The following VDAC1 variants were observed in gnomAD, a reference collection of about 807,000 sequenced individuals.
The protein encoded by VDAC1 is non-selective voltage-gated ion channel VDAC1.
A neutral mutation model predicts 34.7 loss-of-function variants in VDAC1; 10 were observed. That is an observed-to-expected ratio of 0.29 (90% CI 0.18 to 0.49). VDAC1 has a LOEUF of 0.49. VDAC1 is among the 20% of genes least tolerant of loss of function. The probability of loss-of-function intolerance (pLI) is 0.99; values close to 1 mark genes in which losing one functional copy is unlikely to be tolerated. For missense variants in VDAC1, 230 were observed against 347.9 expected (o/e 0.66, Z 2.69); for synonymous variants, 130 against 136.0 (o/e 0.96, Z 0.30).
At chr5:134,025,890 G>T in the VDAC1 span, among the ~76,000 whole-genome samples, 1 of 152,148 alleles carries the variant, frequency 6.6e-6, no homozygotes, top group Non-Finnish European at 1.5e-5. Context: ...TGGAACTCAG[G>T]GTCTGGCCCA....
chr5:133,988,576 A>C (rs1055571811), intron 5 of VDAC1, among the ~76,000 whole-genome samples: 3 of 152,076 alleles, frequency 2.0e-5, no homozygotes, highest in Non-Finnish European at 2.9e-5. Context: ...CAGCCTGGCC[A>C]ATACGGTGAA....
chr5:134,039,863 C>T, the VDAC1 span, among the ~76,000 whole-genome samples: 11 of 152,290 alleles, frequency 7.2e-5, no homozygotes, highest in Admixed American at 2.0e-4. Flanking sequence ...GTTTCTTTCA[C>T]CTTAGGAGGG....
At chr5:134,020,353 C>T in the VDAC1 span, among the ~76,000 whole-genome samples, 23,107 of 151,756 alleles carry the variant, frequency 0.15, 1,935 homozygotes, top group East Asian at 0.32. Flanking sequence ...TCACCCCTCC[C>T]CAGCTCCTGT....
chr5:134,102,062 C>T, the VDAC1 span, among the ~76,000 whole-genome samples: 2 of 152,226 alleles, frequency 1.3e-5, no homozygotes, highest in Admixed American at 1.3e-4. Flanking sequence ...TGATGGGAGG[C>T]ACAGGGGAGC....
chr5:134,069,545 C>T, the VDAC1 span, among the ~76,000 whole-genome samples: 1 of 152,168 alleles, frequency 6.6e-6, no homozygotes, highest in African/African-American at 2.4e-5. Flanking sequence ...ACCCAGGCCT[C>T]CTGAATGGCA....
At chr5:134,085,322 C>T in the VDAC1 span, among the ~76,000 whole-genome samples, 12 of 152,140 alleles carry the variant, frequency 7.9e-5, no homozygotes, top group African/African-American at 2.4e-4. Context: ...CCTGCCTCGG[C>T]CTCCCAAAGT....
chr5:134,103,391 G>A, the VDAC1 span, among the ~76,000 whole-genome samples: 1 of 152,234 alleles, frequency 6.6e-6, no homozygotes, highest in African/African-American at 2.4e-5. Context: ...CCAAAGTGCT[G>A]GTATTACAAG....
chr5:133,981,585 C>G (rs1752701617), intron 5 of VDAC1, among the ~76,000 whole-genome samples: 1 of 152,168 alleles, frequency 6.6e-6, no homozygotes, highest in Non-Finnish European at 1.5e-5. Flanking sequence ...GTTAGTTAGC[C>G]AGACAGTATC....
At chr5:134,041,346 G>A in the VDAC1 span, among the ~76,000 whole-genome samples, 1 of 152,238 alleles carries the variant, frequency 6.6e-6, no homozygotes, top group Non-Finnish European at 1.5e-5. Context: ...TCTGGGAGGG[G>A]CCACAGGCCC....
chr5:134,009,422 C>A (rs1315856292), upstream of VDAC1, among the ~76,000 whole-genome samples: 1 of 151,428 alleles, frequency 6.6e-6, no homozygotes, highest in Non-Finnish European at 1.5e-5. Flanking sequence ...CCATGCCCAG[C>A]TAATTTTTGT....
the VDAC1 span, among the ~76,000 whole-genome samples, chr5:134,016,797 G>A: frequency 2.8e-4 from 42 of 152,228 alleles, no homozygotes; most frequent in Admixed American, 2.4e-3. Context: ...CTGGCTTTCA[G>A]GCACTGTCTG....
At chr5:134,034,715 T>C in the VDAC1 span, among the ~76,000 whole-genome samples, 2 of 152,064 alleles carry the variant, frequency 1.3e-5, no homozygotes, top group African/African-American at 4.8e-5. Context: ...GCAAGGTGCA[T>C]GCTGGGACCG....
chr5:134,044,649 C>CTGTGTG, the VDAC1 span, among the ~76,000 whole-genome samples: 1 of 151,696 alleles, frequency 6.6e-6, no homozygotes. Flanking sequence ...ATATTGCTAT[C>CTGTGTG]TGTGTGTGTG....
the VDAC1 span, among the ~76,000 whole-genome samples, chr5:134,082,676 C>G: frequency 6.6e-6 from 1 of 152,200 alleles, no homozygotes; most frequent in Non-Finnish European, 1.5e-5. Context: ...ATATTCATAT[C>G]AGCAATATAA....
chr5:134,069,180 C>G, the VDAC1 span, among the ~76,000 whole-genome samples: 1 of 152,122 alleles, frequency 6.6e-6, no homozygotes, highest in Admixed American at 6.6e-5. Flanking sequence ...CAGTAATAAT[C>G]TGCCAAATTA....
upstream of VDAC1, among the ~76,000 whole-genome samples, chr5:134,006,740 C>G (rs1580738999): frequency 9.1e-6 from 1 of 110,128 alleles, no homozygotes; most frequent in Non-Finnish European, 1.9e-5. Context: ...GACATTGTCC[C>G]CCCCCCCCAA....
chr5:133,992,318 A>G lies in VDAC1; in HGVS notation c.105T>C (p.Ser35=), dbSNP rs771045447. The part of the protein sequence containing the change: ...GLIKLDLKTK[S]ENGLEFTSSG... ...TTGGACAACTTACCAATCCATTCTCAGATTTTGTTTTCAAATCAAGCTTTA... is the reference window on the plus strand; with the variant it reads ...TTGGACAACTTACCAATCCATTCTCGGATTTTGTTTTCAAATCAAGCTTTA... The change falls in exon 3 of 9, where the codon TCT becomes TCC. Residue 35 remains serine (S), a synonymous_variant. Coordinates refer to ENST00000265333, the MANE Select transcript of VDAC1 (RefSeq NM_003374.3). 6.3e-6 allele frequency: 10 copies of G among 1,583,430 alleles called. No homozygotes were observed. In the Admixed American group the frequency reaches 1.8e-4, roughly 28 times the overall value.
intron 5 of VDAC1, 121 bp downstream of exon 5, chr5:133,990,734 G>A (rs1349182664): frequency 9.3e-6 from 11 of 1,178,964 alleles, no homozygotes; most frequent in South Asian, 1.6e-5. Flanking sequence ...GACTTAAATC[G>A]CCAGGTCTCG....
At chr5:134,039,595 C>G in the VDAC1 span, among the ~76,000 whole-genome samples, 5 of 152,220 alleles carry the variant, frequency 3.3e-5, no homozygotes, top group African/African-American at 4.8e-5. Context: ...TCCCAAAGTG[C>G]TGGGATTACA....
Sources: gnomAD v4.1 joint callset for allele counts (sites outside exome capture counted in the v4.1 genomes callset) on GRCh38, gnomAD v4.1.1 for gene constraint, MANE v1.5 for transcripts, NCBI Gene and HGNC (gene_info 2026-07-23, HGNC 2026-07-21) for gene names.